Variants in CDH12 observed in about 807,000 individuals in gnomAD.
CDH12 encodes cadherin-12.
CDH12 carries 41 observed loss-of-function variants against 74.1 expected under a neutral mutation model. The observed-to-expected ratio is 0.55, with a 90% confidence interval of 0.43 to 0.72. The LOEUF (loss-of-function observed/expected upper bound fraction) is 0.72. Ranked by LOEUF, CDH12 falls within the 30% of genes least tolerant of loss-of-function variation. The probability of loss-of-function intolerance (pLI) is 0.00; values close to 1 mark genes in which losing one functional copy is unlikely to be tolerated. For synonymous variants in CDH12, 399 were observed against 355.0 expected, an observed-to-expected ratio of 1.12 and a Z score of -1.39; for missense variants, 945 against 977.2, an observed-to-expected ratio of 0.97 and a Z score of 0.44.
intron 2 of CDH12, among the ~76,000 whole-genome samples, chr5:22,414,615 A>G (rs980648468): frequency 8.6e-5 from 13 of 151,908 alleles, no homozygotes; most frequent in African/African-American, 3.1e-4. Context: ...AATTGTTAAC[A>G]TTATTTCAGG....
intron 4 of CDH12, among the ~76,000 whole-genome samples, chr5:22,158,813 G>T (rs1445353668): frequency 2.0e-5 from 3 of 152,044 alleles, no homozygotes; most frequent in Non-Finnish European, 4.4e-5. Context: ...TTTACAATAT[G>T]TTGACAAATT....
At chr5:22,675,621 C>G (rs1580875967) in intron 1 of CDH12, among the ~76,000 whole-genome samples, 2 of 151,812 alleles carry the variant, frequency 1.3e-5, no homozygotes. Context: ...AATGTGAGAA[C>G]ATGAGATTTA....
chr5:21,884,162 T>G, intron 6 of CDH12: 4 of 1,581,560 alleles, frequency 2.5e-6, no homozygotes, highest in Non-Finnish European at 3.5e-6. Context: ...CAACAAAGCT[T>G]GTGAGAACTG....
intron 1 of CDH12, among the ~76,000 whole-genome samples, chr5:22,523,996 T>G (rs1270099203): frequency 6.6e-6 from 1 of 150,958 alleles, no homozygotes; most frequent in Non-Finnish European, 1.5e-5. Flanking sequence ...TTTTTTTTTT[T>G]TTTGAGACAA....
intron 6 of CDH12, among the ~76,000 whole-genome samples, chr5:21,973,979 C>T (rs1287896347): frequency 6.6e-6 from 1 of 151,724 alleles, no homozygotes; most frequent in East Asian, 1.9e-4. Flanking sequence ...AAGTGAATTA[C>T]TTCAAGCTGA....
In CDH12 at chr5:22,315,516, G is replaced by C. The variant is rs776570750; in HGVS notation, c.-333+89741C>G. On this transcript the variant is annotated intron_variant, in intron 3 of 14. Transcript: ENST00000382254. ...GAGAGTTGGAAAGTGAACTTATTAA[G>C]AAAATGTAGGAGAATGAAAAGTCCT... Among the ~76,000 whole-genome samples, 23 of 152,182 alleles carry C rather than the reference G, an allele frequency of 1.5e-4. 1 individual carries two copies. Among genetic ancestry groups the C allele is most frequent in the Admixed American group, 7.2e-4 (11 of 15,284 alleles).
intron 6 of CDH12, among the ~76,000 whole-genome samples, chr5:21,971,239 G>T (rs530763948): frequency 6.6e-6 from 1 of 151,812 alleles, no homozygotes; most frequent in South Asian, 2.1e-4. Context: ...TATTTTAGCC[G>T]CATGACACCT....
At chr5:21,766,857 T>C (rs1215123789) in intron 11 of CDH12, among the ~76,000 whole-genome samples, 2 of 151,872 alleles carry the variant, frequency 1.3e-5, no homozygotes, top group African/African-American at 4.8e-5. Flanking sequence ...AACTATGATA[T>C]AGGCATTATT....
intron 7 of CDH12, among the ~76,000 whole-genome samples, chr5:21,843,802 G>A (rs970945197): frequency 5.9e-5 from 9 of 152,178 alleles, no homozygotes; most frequent in African/African-American, 1.9e-4. Context: ...CATCTCTACC[G>A]ATGAGTGTTC....
intron 3 of CDH12, among the ~76,000 whole-genome samples, chr5:22,337,608 G>A (rs964157556): frequency 1.3e-5 from 2 of 152,172 alleles, no homozygotes; most frequent in Non-Finnish European, 2.9e-5. Context: ...TGTAAAACGT[G>A]ACTTGCTCCT....
chr5:21,764,655 A>T (rs1444725238), intron 12 of CDH12, among the ~76,000 whole-genome samples: 1 of 150,250 alleles, frequency 6.7e-6, no homozygotes, highest in East Asian at 1.9e-4. Context: ...TATCAAGAAA[A>T]AAAAAAAAAA....
intron 1 of CDH12, among the ~76,000 whole-genome samples, chr5:22,529,762 ATCT>A (rs1438221690): frequency 2.0e-5 from 3 of 152,206 alleles, no homozygotes; most frequent in Non-Finnish European, 4.4e-5. Context: ...GACATTGGCT[ATCT>A]TTTTATCTGA....
rs1426330772 is a variant in CDH12 at position 22,596,283 on chromosome 5, CA to C, written c.-522-90920del. ...GGAAACCCCATCTCTACGAAAAATACAAAAAAAATTAGCTGGGTGTGGTGGC... is the reference window on the plus strand; with the variant it reads ...GGAAACCCCATCTCTACGAAAAATACAAAAAAATTAGCTGGGTGTGGTGGC... On this transcript the variant is annotated intron_variant, in intron 1 of 14. Transcript: ENST00000382254. Among the ~76,000 whole-genome samples the C allele has an allele frequency of 3.4e-5, 5 of 149,198 alleles. No individual in the cohort carries two copies. In the South Asian group the frequency reaches 6.4e-4, roughly 19 times the overall value.
chr5:22,514,615 T>A (rs1170962101), intron 1 of CDH12, among the ~76,000 whole-genome samples: 21 of 152,238 alleles, frequency 1.4e-4, no homozygotes, highest in Admixed American at 1.4e-3. Flanking sequence ...ATGTATGGCC[T>A]GGCAGGCTCT....
intron 2 of CDH12, among the ~76,000 whole-genome samples, chr5:22,418,217 G>A (rs1310493157): frequency 2.0e-5 from 3 of 151,800 alleles, no homozygotes. Context: ...AATTGTGAAT[G>A]GGAGTTCACT....
At chr5:22,417,175 A>ATTTG (rs1387917473) in intron 2 of CDH12, among the ~76,000 whole-genome samples, 2 of 152,238 alleles carry the variant, frequency 1.3e-5, no homozygotes, top group African/African-American at 4.8e-5. Flanking sequence ...TTTAAGAAAA[A>ATTTG]ATAAACATAA....
At chr5:22,147,857 A>C (rs1050066768) in intron 4 of CDH12, among the ~76,000 whole-genome samples, 1 of 152,150 alleles carries the variant, frequency 6.6e-6, no homozygotes, top group Non-Finnish European at 1.5e-5. Flanking sequence ...TGGGAGCTAC[A>C]ATTCGAGATA....
At chr5:22,215,038 A>T (rs1053108468) in intron 3 of CDH12, among the ~76,000 whole-genome samples, 23 of 152,212 alleles carry the variant, frequency 1.5e-4, no homozygotes, top group African/African-American at 4.8e-4. Context: ...GGTACTGTCT[A>T]TTACATGCTT....
intron 2 of CDH12, among the ~76,000 whole-genome samples, chr5:22,482,664 T>G (rs1230526036): frequency 1.3e-5 from 2 of 152,284 alleles, no homozygotes; most frequent in African/African-American, 4.8e-5. Flanking sequence ...CATAAGAGAA[T>G]AGTGGAATTT....
Sources: gnomAD v4.1 joint callset for allele counts (sites outside exome capture counted in the v4.1 genomes callset) on GRCh38, gnomAD v4.1.1 for gene constraint, MANE v1.5 for transcripts, NCBI Gene and HGNC (gene_info 2026-07-23, HGNC 2026-07-21) for gene names.